Variants in UNC13B observed in about 807,000 individuals in gnomAD.
The protein encoded by UNC13B is unc-13 homolog B, also known as protein unc-13 homolog B.
In UNC13B, 144 loss-of-function variants were observed where a neutral mutation model predicts 211.0. The ratio of observed to expected loss-of-function variants is 0.68; its 90% CI spans 0.60 to 0.78. The LOEUF (loss-of-function observed/expected upper bound fraction) is 0.78. UNC13B is among the 30% of genes least tolerant of loss of function. The pLI, the probability that UNC13B is intolerant of heterozygous loss-of-function variation, is 0.00. For synonymous variants in UNC13B, 709 were observed against 725.8 expected (o/e 0.98, Z 0.37); for missense variants, 1,777 against 2,002.0 (o/e 0.89, Z 2.14).
chr9:35,167,200 A>G (rs1266072056), intron 1 of UNC13B, among the ~76,000 whole-genome samples: 1 of 151,590 alleles, frequency 6.6e-6, no homozygotes, highest in South Asian at 2.1e-4. Flanking sequence ...CAGCCTCCCA[A>G]GTAGCTGGGA....
chr9:35,329,527 G>A (rs1042180969), intron 11 of UNC13B, among the ~76,000 whole-genome samples: 5 of 149,582 alleles, frequency 3.3e-5, no homozygotes, highest in African/African-American at 1.2e-4. Flanking sequence ...TCACTCTGTT[G>A]CCCAGGCTGG....
chr9:35,384,443 T>C, intron 22 of UNC13B, 129 bp downstream of exon 22: 1 of 1,446,912 alleles, frequency 6.9e-7, no homozygotes, highest in Non-Finnish European at 9.1e-7. Flanking sequence ...TCCACCCAAA[T>C]GGCCAATGCT....
intron 11 of UNC13B, among the ~76,000 whole-genome samples, chr9:35,344,668 G>T (rs901506527): frequency 6.6e-6 from 1 of 152,068 alleles, no homozygotes; most frequent in Non-Finnish European, 1.5e-5. Context: ...GACAACAAGG[G>T]TCTCATTCTA....
chr9:35,307,923 A>G lies in UNC13B; in HGVS notation c.8519A>G (p.Asp2840Gly), dbSNP rs570129361. ...TCAAAACTAGGATTTGGAAAGGTAG[A>G]TCTTTCATTTCCATGGCCAAAAGAG... The part of the protein sequence containing the change: ...SDSKLGFGKV[D>G]LSFPWPKENK... Residue 2840 changes from aspartate to glycine, a missense_variant, in exon 9 of 40, where the codon GAT (aspartate) becomes GGT (glycine). Asp to Gly is a moderately conservative substitution (Grantham distance 94). Coordinates refer to ENST00000635942, the MANE Select transcript of UNC13B (RefSeq NM_001371189.2). 5.0e-5 allele frequency: 20 copies of G among 398,998 alleles called. 1 individual carries two copies. In the Admixed American group the frequency reaches 8.4e-4, roughly 17 times the overall value. The allele number at this position is 398,998 out of a possible 1,614,324, so 24.7% of individuals were successfully genotyped here.
chr9:35,268,199 C>T (rs1469915947), intron 7 of UNC13B, among the ~76,000 whole-genome samples: 1 of 152,128 alleles, frequency 6.6e-6, no homozygotes, highest in Non-Finnish European at 1.5e-5. Flanking sequence ...TTTCCCCTCC[C>T]CAGGAGGTGG....
chr9:35,291,163 C>T (rs1215759867), intron 7 of UNC13B: 1 of 1,477,576 alleles, frequency 6.8e-7, no homozygotes, highest in Non-Finnish European at 9.2e-7. Context: ...AGTACATACT[C>T]CCTCTGAACT....
At chr9:35,330,283 G>T (rs1831294764) in intron 11 of UNC13B, among the ~76,000 whole-genome samples, 1 of 152,160 alleles carries the variant, frequency 6.6e-6, no homozygotes, top group Non-Finnish European at 1.5e-5. Context: ...TGGCTTTTAG[G>T]GATCTGTCAT....
At chr9:35,294,574 G>A (rs763168394) in intron 7 of UNC13B, among the ~76,000 whole-genome samples, 3 of 152,134 alleles carry the variant, frequency 2.0e-5, no homozygotes, top group Non-Finnish European at 4.4e-5. Context: ...CCAAAGTGCT[G>A]GGATTACAGG....
At chr9:35,258,869 C>G in intron 6 of UNC13B, 124 bp from the exon 7 acceptor site, 1 of 817,070 alleles carries the variant, frequency 1.2e-6, no homozygotes, top group African/African-American at 1.7e-5. Flanking sequence ...TGTTCTGTTT[C>G]TGTTCAATAA....
chr9:35,269,830 T>C (rs1394548341), intron 7 of UNC13B, among the ~76,000 whole-genome samples: 2 of 152,240 alleles, frequency 1.3e-5, no homozygotes, highest in Non-Finnish European at 2.9e-5. Context: ...TGTCAGTCTT[T>C]TGTAAAGAAG....
intron 1 of UNC13B, among the ~76,000 whole-genome samples, chr9:35,185,963 C>T (rs749529105): frequency 6.6e-6 from 1 of 151,312 alleles, no homozygotes; most frequent in Non-Finnish European, 1.5e-5. Flanking sequence ...TAAAATAAAA[C>T]TCTAAGCCCT....
chr9:35,403,722 T>A (rs764759321), intron 39 of UNC13B, 26 bp from the exon 40 acceptor site: 2 of 1,612,602 alleles, frequency 1.2e-6, no homozygotes, highest in Non-Finnish European at 1.7e-6. Flanking sequence ...AACTCTGGCC[T>A]CATAACTTCT....
chr9:35,260,038 C>CAAA (rs61273217), intron 7 of UNC13B, among the ~76,000 whole-genome samples: 41,783 of 64,792 alleles, frequency 0.64, 17,662 homozygotes, highest in Non-Finnish European at 0.7. Flanking sequence ...CTCATTTCTA[C>CAAA]AAAAAAAAAA....
At chr9:35,330,827 A>G (rs10972437) in intron 11 of UNC13B, among the ~76,000 whole-genome samples, 54,624 of 151,886 alleles carry the variant, frequency 0.36, 10,322 homozygotes, top group African/African-American at 0.47. Context: ...GCAGTGGATC[A>G]TTTGGAAGGG....
chr9:35,222,631 T>C (rs778105864), intron 1 of UNC13B, among the ~76,000 whole-genome samples: 31 of 152,354 alleles, frequency 2.0e-4, no homozygotes, highest in Non-Finnish European at 4.3e-4. Context: ...TTTCTGTACA[T>C]GCATACAATG....
intron 11 of UNC13B, among the ~76,000 whole-genome samples, chr9:35,320,150 C>G (rs1451720742): frequency 2.0e-5 from 3 of 151,994 alleles, no homozygotes; most frequent in African/African-American, 7.3e-5. Flanking sequence ...TGATGGGTAC[C>G]TAGGTTGATT....
chr9:35,314,918 T>A (rs1471568728), intron 11 of UNC13B, among the ~76,000 whole-genome samples: 1 of 133,770 alleles, frequency 7.5e-6, no homozygotes, highest in East Asian at 2.4e-4. Flanking sequence ...CAGGTCTTGC[T>A]CCTTTGCCCA....
At chr9:35,253,625 C>T (rs1008102915) in intron 6 of UNC13B, among the ~76,000 whole-genome samples, 2 of 152,176 alleles carry the variant, frequency 1.3e-5, no homozygotes, top group African/African-American at 2.4e-5. Context: ...GTTTCCCATA[C>T]ACCTCGTGGG....
chr9:35,242,983 G>A (rs1169303077), intron 5 of UNC13B, among the ~76,000 whole-genome samples: 1 of 152,078 alleles, frequency 6.6e-6, no homozygotes, highest in South Asian at 2.1e-4. Context: ...GTAGTTTTTG[G>A]AATCATACAA....
Sources: gnomAD v4.1 joint callset for allele counts (sites outside exome capture counted in the v4.1 genomes callset) on GRCh38, gnomAD v4.1.1 for gene constraint, MANE v1.5 for transcripts, NCBI Gene and HGNC (gene_info 2026-07-23, HGNC 2026-07-21) for gene names.